ATAD2: variants seen among roughly 807,000 people sequenced by gnomAD.
ATAD2 encodes the protein ATPase family AAA domain-containing protein 2.
Under a neutral mutation model 168.9 loss-of-function variants are expected in ATAD2, and 62 were observed. The observed-to-expected ratio is 0.37, with a 90% CI of 0.30 to 0.45. The LOEUF is 0.45. Among genes scored for constraint, ATAD2 ranks in the 20% least tolerant of loss-of-function variants. The pLI is 1.00. For missense variants in ATAD2, 1,419 were observed against 1,667.8 expected, an observed-to-expected ratio of 0.85 and a Z score of 2.60; for synonymous variants, 613 against 571.6, an observed-to-expected ratio of 1.07 and a Z score of -1.03.
intron 15 of ATAD2, among the ~76,000 whole-genome samples, chr8:123,347,830 C>T (rs540233467): frequency 2.0e-5 from 3 of 152,138 alleles, no homozygotes; most frequent in Non-Finnish European, 4.4e-5. Context: ...ATGTAAAATG[C>T]TTAAAAGGAT....
At chr8:123,377,090 T>TAAAAAAAAAAAAA (rs1297063054) in intron 2 of ATAD2, among the ~76,000 whole-genome samples, 1 of 622 alleles carries the variant, frequency 1.6e-3, no homozygotes, top group Non-Finnish European at 4.1e-3. Flanking sequence ...AGACTCCGTC[T>TAAAAAAAAAAAAA]CAAAAAAAAA....
intron 1 of ATAD2, among the ~76,000 whole-genome samples, chr8:123,415,834 C>A (rs537648888): frequency 7.3e-4 from 111 of 152,300 alleles, no homozygotes; most frequent in Admixed American, 6.9e-3. Context: ...ACCTCGTGAT[C>A]CACCCGCCTC....
chr8:123,386,966 A>C (rs1335185710), intron 1 of ATAD2, among the ~76,000 whole-genome samples: 2 of 152,094 alleles, frequency 1.3e-5, no homozygotes, highest in Admixed American at 6.5e-5. Flanking sequence ...TACACTAAAA[A>C]ATTTTTAAAT....
At chr8:123,410,234 T>A (rs1247456405) in intron 1 of ATAD2, among the ~76,000 whole-genome samples, 1 of 152,176 alleles carries the variant, frequency 6.6e-6, no homozygotes, top group Non-Finnish European at 1.5e-5. Context: ...CATCTCCTAC[T>A]CTTCTGAAAC....
Position 123,336,129 on chromosome 8 carries a change from A to G in ATAD2, c.3211+244T>C, listed in dbSNP as rs139198923. On this transcript the variant is annotated intron_variant, in intron 22 of 27. Coordinates refer to ENST00000287394, the MANE Select transcript of ATAD2 (RefSeq NM_014109.4). ...GGATCTATCATGTAATTGTTAATAA[A>G]CAGGGATTTGGGAATGAAAGAAACC... 4.5e-3 allele frequency among the ~76,000 whole-genome samples: 688 copies of G among 152,320 alleles called. 8 individuals carry two copies. The highest frequency in any genetic ancestry group is 0.024 in the Middle Eastern group (7 of 294).
intron 1 of ATAD2, 35 bp downstream of exon 1, chr8:123,396,152 A>C: frequency 6.6e-7 from 1 of 1,523,692 alleles, no homozygotes; most frequent in South Asian, 1.2e-5. Flanking sequence ...CCCCCCGGGA[A>C]CCGCCCTGGG....
chr8:123,376,385 G>A (rs1390480732), intron 2 of ATAD2, among the ~76,000 whole-genome samples: 1 of 150,828 alleles, frequency 6.6e-6, no homozygotes, highest in Non-Finnish European at 1.5e-5. Context: ...CAGCCTGGGC[G>A]ACAAGAGCAA....
At chr8:123,401,791 G>C in intron 1 of ATAD2, 1 of 753,802 alleles carries the variant, frequency 1.3e-6, no homozygotes, top group Non-Finnish European at 2.4e-6. Context: ...TGCGGCTCAA[G>C]AAATACTGGG....
At chr8:123,332,047 T>C (rs1231627202) in intron 24 of ATAD2, among the ~76,000 whole-genome samples, 1 of 152,238 alleles carries the variant, frequency 6.6e-6, no homozygotes, top group East Asian at 1.9e-4. Context: ...TGGTAAGTTT[T>C]GATAAATCTT....
Position 123,334,223 on chromosome 8 carries a change from A to G in ATAD2, c.3311T>C (p.Ile1104Thr). ...ACCTCTTTTCTTTCTAGATTCCTGA[A>G]TTTCTTCACAGAGCTGCTCAAAGTC... Reference protein sequence around the residue: ...DEDFEQLCEEIQESRKKRGCS... With the variant: ...DEDFEQLCEETQESRKKRGCS... Residue 1104 changes from isoleucine (I) to threonine (T), a missense_variant, in exon 23 of 28, where the codon ATT (isoleucine) becomes ACT (threonine). Ile to Thr is a moderately conservative substitution (Grantham distance 89). Transcript: ENST00000287394. The G allele has an allele frequency of 6.3e-7, 1 of 1,592,364 alleles. No individual in the cohort carries two copies. The highest frequency in any genetic ancestry group is 8.5e-7 in the Non-Finnish European group (1 of 1,174,186).
At chr8:123,386,525 G>A (rs1057343618) in intron 1 of ATAD2, among the ~76,000 whole-genome samples, 3 of 152,120 alleles carry the variant, frequency 2.0e-5, no homozygotes, top group East Asian at 1.9e-4. Context: ...GGAACTGGGA[G>A]TAAGTGTTTA....
intron 2 of ATAD2, among the ~76,000 whole-genome samples, chr8:123,378,572 C>T (rs1231894239): frequency 1.3e-5 from 2 of 151,540 alleles, no homozygotes; most frequent in Non-Finnish European, 2.9e-5. Flanking sequence ...CATGGTGGTG[C>T]GTGCCTGTAA....
chr8:123,340,167 C>T (rs570722523), intron 19 of ATAD2, among the ~76,000 whole-genome samples: 13 of 152,204 alleles, frequency 8.5e-5, no homozygotes, highest in African/African-American at 2.4e-4. Context: ...TACAATTACA[C>T]GCATATGCCA....
upstream of ATAD2, among the ~76,000 whole-genome samples, chr8:123,398,226 C>CTTT (rs1188897965): frequency 4.6e-3 from 464 of 101,688 alleles, 10 homozygotes; most frequent in African/African-American, 0.011. Flanking sequence ...GGTTCTTGTT[C>CTTT]TTTTTTTTTT....
chr8:123,337,075 A>AGG (rs1184463237), intron 21 of ATAD2, among the ~76,000 whole-genome samples: 1 of 142,560 alleles, frequency 7.0e-6, no homozygotes, highest in African/African-American at 2.8e-5. Flanking sequence ...AAAAAAAAAA[A>AGG]GGGGGGGCCG....
intron 1 of ATAD2, among the ~76,000 whole-genome samples, chr8:123,407,163 T>C (rs1813079060): frequency 6.6e-6 from 1 of 152,174 alleles, no homozygotes; most frequent in Admixed American, 6.5e-5. Context: ...GAGAGAAGCA[T>C]GGAACAGATT....
intron 27 of ATAD2, among the ~76,000 whole-genome samples, chr8:123,322,385 T>C (rs558347174): frequency 3.3e-5 from 5 of 152,320 alleles, no homozygotes; most frequent in South Asian, 2.1e-4. Flanking sequence ...ACACAAACTA[T>C]TGGCTGGGTG....
At chr8:123,404,113 A>G (rs1813040277) in intron 1 of ATAD2, among the ~76,000 whole-genome samples, 2 of 152,154 alleles carry the variant, frequency 1.3e-5, no homozygotes, top group African/African-American at 2.4e-5. Context: ...TAGTATATTC[A>G]TATGGTTAAA....
At chr8:123,410,986 C>T (rs1813146311) in intron 1 of ATAD2, among the ~76,000 whole-genome samples, 1 of 152,226 alleles carries the variant, frequency 6.6e-6, no homozygotes, top group South Asian at 2.1e-4. Context: ...TGACCCACGG[C>T]TTCTAATGGA....
Sources: gnomAD v4.1 joint callset for allele counts (sites outside exome capture counted in the v4.1 genomes callset) on GRCh38, gnomAD v4.1.1 for gene constraint, MANE v1.5 for transcripts, NCBI Gene and HGNC (gene_info 2026-07-23, HGNC 2026-07-21) for gene names.